Variants in LRRC20 observed in about 807,000 individuals in gnomAD.
LRRC20 encodes the protein leucine-rich repeat-containing protein 20.
A neutral mutation model predicts 14.4 loss-of-function variants in LRRC20; 11 were observed. The ratio of observed to expected loss-of-function variants is 0.77; its 90% confidence interval spans 0.48 to 1.27. The LOEUF is 1.27. Ranked by LOEUF, LRRC20 falls within the 50% of genes most tolerant of loss-of-function variation. The pLI is 0.00. For missense variants in LRRC20, 219 were observed against 251.2 expected (o/e 0.87, Z 0.87); for synonymous variants, 121 against 107.3 (o/e 1.13, Z -0.79).
chr10:70,357,198 G>A (rs1037493542), intron 2 of LRRC20, among the ~76,000 whole-genome samples: 1 of 152,208 alleles, frequency 6.6e-6, no homozygotes, highest in African/African-American at 2.4e-5. Flanking sequence ...CTGGGGCTGG[G>A]CGGAGATCAG....
chr10:70,376,842 A>C, intron 1 of LRRC20: 1 of 387,458 alleles, frequency 2.6e-6, no homozygotes, highest in East Asian at 5.8e-5. Context: ...AACATGTGTG[A>C]CCTCACCAGA....
intron 2 of LRRC20, among the ~76,000 whole-genome samples, chr10:70,344,777 G>A (rs931895204): frequency 1.3e-5 from 2 of 152,108 alleles, no homozygotes; most frequent in African/African-American, 4.8e-5. Context: ...ATGTTACTCA[G>A]GCTAGTCTTG....
intron 4 of LRRC20, among the ~76,000 whole-genome samples, chr10:70,304,218 C>A (rs1030181660): frequency 6.6e-6 from 1 of 151,936 alleles, no homozygotes; most frequent in Admixed American, 6.6e-5. Context: ...GCAGCCGGAT[C>A]CCAGAAAACC....
intron 2 of LRRC20, among the ~76,000 whole-genome samples, chr10:70,342,840 C>T (rs1294053631): frequency 3.3e-5 from 5 of 152,132 alleles, no homozygotes; most frequent in Admixed American, 3.3e-4. Flanking sequence ...CAACCTCGAA[C>T]CCCAGCAGCA....
At chr10:70,376,129 C>T (rs1005610872) in intron 2 of LRRC20, among the ~76,000 whole-genome samples, 7 of 152,108 alleles carry the variant, frequency 4.6e-5, no homozygotes, top group African/African-American at 1.7e-4. Context: ...GCGCCCAGCA[C>T]GGGGCCTGGC....
rs1841162271 is a variant in LRRC20, at chr10:70,301,145, C to T, written c.*209G>A. The T allele has an allele frequency of 1.5e-6, 2 of 1,371,704 alleles. No individual in the cohort carries two copies. Among genetic ancestry groups the T allele is most frequent in the African/African-American group, 1.5e-5 (1 of 67,718 alleles). The allele number at this position is 1,371,704 out of a possible 1,614,324, so 85.0% of individuals were successfully genotyped here. On this transcript the variant is annotated 3_prime_UTR_variant, in exon 5 of 5. Coordinates refer to ENST00000446961, the MANE Select transcript of LRRC20 (RefSeq NM_001278212.2). Reference sequence around the variant, plus strand: ...AGCTGTGAGTGCCGAGTCCAGGCTGCAGGCCCCACCTTGCCTCTTCCCTTG... The same window carrying T: ...AGCTGTGAGTGCCGAGTCCAGGCTGTAGGCCCCACCTTGCCTCTTCCCTTG...
chr10:70,353,406 C>A (rs370339914), intron 2 of LRRC20, among the ~76,000 whole-genome samples: 6 of 151,970 alleles, frequency 3.9e-5, no homozygotes, highest in African/African-American at 1.4e-4. Context: ...CCCCATGAGA[C>A]AGGCACTATT....
At position 70,301,283 on chromosome 10, in the gene LRRC20, G is replaced by A; in HGVS notation, c.*71C>T. The A allele has an allele frequency of 6.5e-7, 1 of 1,537,984 alleles. No individual in the cohort carries two copies. Among genetic ancestry groups the A allele is most frequent in the Non-Finnish European group, 8.7e-7 (1 of 1,145,684 alleles). ...CAGCCCCCAGGCTTGGCCTCCCATG[G>A]GCCTCCCTCCCTTCCAGGGTTCCAG... On this transcript the variant is annotated 3_prime_UTR_variant, in exon 5 of 5. Coordinates refer to ENST00000446961, the MANE Select transcript of LRRC20 (RefSeq NM_001278212.2).
At chr10:70,301,741 A>T (rs1445922530) in intron 4 of LRRC20, among the ~76,000 whole-genome samples, 1 of 152,248 alleles carries the variant, frequency 6.6e-6, no homozygotes, top group African/African-American at 2.4e-5. Context: ...AACTGCTTCA[A>T]AAAGTTAAAC....
At position 70,336,637 on chromosome 10, in the gene LRRC20, A is replaced by G. The variant is rs1479159813; in HGVS notation, c.232+3916T>C. Among the ~76,000 whole-genome samples, 4 of 152,190 alleles carry G rather than the reference A, an allele frequency of 2.6e-5. No individual in the cohort carries two copies. In the East Asian group the frequency reaches 5.8e-4, roughly 22 times the overall value. ...TAGTTAGAACTCCCCCGTGCCAACAATCAGAGAGTACCTGAAGTCTTCCCT... is the reference window on the plus strand; with the variant it reads ...TAGTTAGAACTCCCCCGTGCCAACAGTCAGAGAGTACCTGAAGTCTTCCCT... On this transcript the variant is annotated intron_variant, in intron 3 of 4. Transcript: ENST00000446961.
At chr10:70,308,291 G>A (rs1386177953) in intron 4 of LRRC20, among the ~76,000 whole-genome samples, 1 of 152,200 alleles carries the variant, frequency 6.6e-6, no homozygotes, top group Non-Finnish European at 1.5e-5. Flanking sequence ...CCCAGGCTCA[G>A]TGGGAGGAAG....
intron 2 of LRRC20, among the ~76,000 whole-genome samples, chr10:70,347,514 C>T (rs991554468): frequency 1.3e-5 from 2 of 152,130 alleles, no homozygotes; most frequent in African/African-American, 2.4e-5. Context: ...CCCTTCCAGT[C>T]TCTGATTTAG....
intron 4 of LRRC20, among the ~76,000 whole-genome samples, chr10:70,316,399 C>T (rs1806103711): frequency 6.6e-6 from 1 of 152,230 alleles, no homozygotes; most frequent in African/African-American, 2.4e-5. Flanking sequence ...TACCAAAGTC[C>T]TGGGATTACA....
intron 3 of LRRC20, among the ~76,000 whole-genome samples, chr10:70,327,579 TA>T (rs60686183): frequency 0.55 from 79,702 of 144,700 alleles, 21,337 homozygotes; most frequent in African/African-American, 0.59. Context: ...AGACTCTATC[TA>T]AAAAAAAAAA....
At chr10:70,336,934 C>T (rs1273730613) in intron 3 of LRRC20, among the ~76,000 whole-genome samples, 1 of 152,212 alleles carries the variant, frequency 6.6e-6, no homozygotes, top group Admixed American at 6.5e-5. Context: ...GACATGGGGA[C>T]CCACTCTCTG....
At chr10:70,328,782 G>A (rs1842423738) in intron 3 of LRRC20, among the ~76,000 whole-genome samples, 1 of 152,124 alleles carries the variant, frequency 6.6e-6, no homozygotes, top group South Asian at 2.1e-4. Context: ...GCCAGGCATG[G>A]CAGTACACAG....
chr10:70,324,851 G>GC (rs1842258455), intron 3 of LRRC20, among the ~76,000 whole-genome samples: 1 of 152,166 alleles, frequency 6.6e-6, no homozygotes, highest in Non-Finnish European at 1.5e-5. Context: ...CACCAGCCGT[G>GC]CCCCTACTTT....
intron 3 of LRRC20, among the ~76,000 whole-genome samples, chr10:70,336,634 ACAAT>A (rs1052893119): frequency 2.6e-5 from 4 of 152,196 alleles, no homozygotes; most frequent in Non-Finnish European, 5.9e-5. Context: ...CCCCGTGCCA[ACAAT>A]CAGAGAGTAC....
intron 2 of LRRC20, among the ~76,000 whole-genome samples, chr10:70,353,305 T>G (rs183033853): frequency 2.0e-5 from 3 of 152,216 alleles, no homozygotes; most frequent in African/African-American, 7.2e-5. Flanking sequence ...AATGAAATAA[T>G]AAAAAACATT....
Sources: gnomAD v4.1 joint callset for allele counts (sites outside exome capture counted in the v4.1 genomes callset) on GRCh38, gnomAD v4.1.1 for gene constraint, MANE v1.5 for transcripts, NCBI Gene and HGNC (gene_info 2026-07-23, HGNC 2026-07-21) for gene names.